The following MCTP1 variants were observed in gnomAD, a reference collection of about 807,000 sequenced individuals.
MCTP1 encodes the protein multiple C2 and transmembrane domain-containing protein 1.
MCTP1 carries 69 observed loss-of-function variants against 120.6 expected under a neutral mutation model. The observed-to-expected ratio is 0.57, with a 90% CI of 0.47 to 0.70. The LOEUF (loss-of-function observed/expected upper bound fraction) is 0.70, where lower values mean the gene tolerates loss of function less well. MCTP1 is among the 30% of genes least tolerant of loss of function. The pLI is 0.00. For missense variants in MCTP1, 1,203 were observed against 1,248.8 expected (o/e 0.96, Z 0.55); for synonymous variants, 529 against 493.1 (o/e 1.07, Z -0.96).
intron 17 of MCTP1, among the ~76,000 whole-genome samples, chr5:94,817,006 C>G (rs1211620035): frequency 6.6e-6 from 1 of 152,156 alleles, no homozygotes; most frequent in Non-Finnish European, 1.5e-5. Flanking sequence ...AAGAAATGCT[C>G]TTGATAACAG....
At chr5:94,801,127 T>C (rs1011381628) in intron 17 of MCTP1, among the ~76,000 whole-genome samples, 5 of 152,162 alleles carry the variant, frequency 3.3e-5, no homozygotes, top group African/African-American at 1.2e-4. Context: ...CCATATTCTT[T>C]ATATATTTAT....
intron 21 of MCTP1, chr5:94,710,036 G>C (rs1189309900): frequency 6.6e-6 from 1 of 152,142 alleles, no homozygotes; most frequent in African/African-American, 2.4e-5. Context: ...AGTCTTAGGT[G>C]TATGTGTAAG....
chr5:94,932,069 A>G, intron 5 of MCTP1, 78 bp from the exon 6 acceptor site: 1 of 985,132 alleles, frequency 1.0e-6, no homozygotes. Context: ...TTTAGCGGAA[A>G]CATTTATTAG....
chr5:95,047,852 C>G (rs72777401), intron 1 of MCTP1, among the ~76,000 whole-genome samples: 6,641 of 152,172 alleles, frequency 0.044, 264 homozygotes, highest in Middle Eastern at 0.054. Context: ...GATCCTTATA[C>G]TGGGCTAGGG....
intron 17 of MCTP1, among the ~76,000 whole-genome samples, chr5:94,822,581 G>A (rs1785930206): frequency 6.6e-6 from 1 of 152,176 alleles, no homozygotes; most frequent in Admixed American, 6.5e-5. Flanking sequence ...ACCCAGTAAT[G>A]AGATTGCTGG....
At chr5:94,895,405 C>T (rs963106686) in intron 10 of MCTP1, among the ~76,000 whole-genome samples, 2 of 152,142 alleles carry the variant, frequency 1.3e-5, no homozygotes, top group African/African-American at 2.4e-5. Context: ...AAGTGTTAGG[C>T]ACCTGAGTTG....
chr5:94,935,318 C>G (rs993040195), intron 5 of MCTP1, among the ~76,000 whole-genome samples: 1 of 151,940 alleles, frequency 6.6e-6, no homozygotes, highest in African/African-American at 2.4e-5. Context: ...TTACTGATTT[C>G]TAGAACTGGC....
Position 95,061,408 on chromosome 5 carries a change from GTTTTTTTTTTTTTTTTTTTTTTT to G in MCTP1, c.721-43947_721-43925del, listed in dbSNP as rs556663513. ...ATCAATTTTCACAAACCCCTTAAGG[GTTTTTTTTTTTTTTTTTTTTTTT>G]TTTTTTTTTTTTTTTTTTTTTTGAG... On this transcript the variant is annotated intron_variant, in intron 1 of 22. Transcript: ENST00000515393. Among the ~76,000 whole-genome samples, 74 of 33,488 alleles carry G rather than the reference GTTTTTTTTTTTTTTTTTTTTTTT, an allele frequency of 2.2e-3. 1 individual carries two copies. The highest frequency in any genetic ancestry group is 6.6e-3 in the South Asian group (6 of 908). 22.0% of individuals were successfully genotyped at this position (33,488 alleles called of 152,430 possible).
At chr5:95,009,135 C>T (rs1835417438) in intron 2 of MCTP1, among the ~76,000 whole-genome samples, 1 of 149,670 alleles carries the variant, frequency 6.7e-6, no homozygotes, top group African/African-American at 2.5e-5. Context: ...TGCTGCCTTA[C>T]CACATCTTGA....
At chr5:95,244,013 G>A (rs1756465625) in intron 1 of MCTP1, among the ~76,000 whole-genome samples, 1 of 152,146 alleles carries the variant, frequency 6.6e-6, no homozygotes, top group Non-Finnish European at 1.5e-5. Flanking sequence ...TCATCTCTAG[G>A]ATGTTTATAC....
chr5:94,744,262 T>C (rs1766348392), intron 19 of MCTP1, among the ~76,000 whole-genome samples: 1 of 152,220 alleles, frequency 6.6e-6, no homozygotes, highest in Non-Finnish European at 1.5e-5. Flanking sequence ...GCGTGAGCCG[T>C]TGAGCTCAGC....
intron 1 of MCTP1, among the ~76,000 whole-genome samples, chr5:95,051,499 C>A (rs1366362687): frequency 6.6e-6 from 1 of 152,166 alleles, no homozygotes; most frequent in Non-Finnish European, 1.5e-5. Context: ...GGCATTCCTT[C>A]AATTACCAAG....
At chr5:95,131,911 T>G (rs546308531) in intron 1 of MCTP1, among the ~76,000 whole-genome samples, 1 of 152,340 alleles carries the variant, frequency 6.6e-6, no homozygotes, top group Admixed American at 6.5e-5. Context: ...CCTTGGGGAC[T>G]CTAGGCTTAT....
chr5:94,821,265 A>T (rs963648925), intron 17 of MCTP1, among the ~76,000 whole-genome samples: 3 of 152,238 alleles, frequency 2.0e-5, no homozygotes, highest in Admixed American at 6.5e-5. Context: ...GCTCTTGAAT[A>T]AGAGCTTTTG....
intron 1 of MCTP1, among the ~76,000 whole-genome samples, chr5:95,242,800 ATGTT>A (rs1407393862): frequency 6.6e-6 from 1 of 152,186 alleles, no homozygotes; most frequent in Non-Finnish European, 1.5e-5. Context: ...AGCCATCAAA[ATGTT>A]TGTTATCTTG....
intron 1 of MCTP1, among the ~76,000 whole-genome samples, chr5:95,046,889 T>C (rs1453341609): frequency 6.6e-6 from 1 of 152,164 alleles, no homozygotes; most frequent in Non-Finnish European, 1.5e-5. Flanking sequence ...CTCTATCAAA[T>C]TGATTTGAAG....
intron 12 of MCTP1, among the ~76,000 whole-genome samples, chr5:94,881,835 T>C (rs1246537204): frequency 6.6e-6 from 1 of 152,184 alleles, no homozygotes; most frequent in East Asian, 1.9e-4. Context: ...CTATTCTCAA[T>C]TGACGTGATT....
chr5:95,046,138 C>T (rs1040169421), intron 1 of MCTP1, among the ~76,000 whole-genome samples: 3 of 152,164 alleles, frequency 2.0e-5, no homozygotes, highest in Admixed American at 1.3e-4. Flanking sequence ...TGAGAACATG[C>T]TTCCCAGCAA....
intron 1 of MCTP1, among the ~76,000 whole-genome samples, chr5:95,018,071 A>G (rs1255642444): frequency 6.6e-6 from 1 of 152,144 alleles, no homozygotes. Flanking sequence ...GCTGTTTTCT[A>G]TGGAATAAAA....
Sources: gnomAD v4.1 joint callset for allele counts (sites outside exome capture counted in the v4.1 genomes callset) on GRCh38, gnomAD v4.1.1 for gene constraint, MANE v1.5 for transcripts, NCBI Gene and HGNC (gene_info 2026-07-23, HGNC 2026-07-21) for gene names.